Variants in WDR49 observed in about 807,000 individuals in gnomAD.
WDR49 encodes the protein cilia- and flagella-associated protein 337.
Under a neutral mutation model 119.5 loss-of-function variants are expected in WDR49, and 107 were observed. The observed-to-expected ratio is 0.90, with a 90% confidence interval of 0.77 to 1.05. WDR49 has a LOEUF of 1.05. Among genes scored for constraint, WDR49 ranks in the 50% least tolerant of loss-of-function variants. The probability of loss-of-function intolerance (pLI) is 0.00; values close to 1 mark genes in which losing one functional copy is unlikely to be tolerated. For synonymous variants in WDR49, 425 were observed against 418.8 expected, an observed-to-expected ratio of 1.01 and a Z score of -0.18; for missense variants, 1,240 against 1,220.5, an observed-to-expected ratio of 1.02 and a Z score of -0.24.
At chr3:167,494,442 G>T (rs1188535480) in intron 18 of WDR49, among the ~76,000 whole-genome samples, 2 of 151,896 alleles carry the variant, frequency 1.3e-5, no homozygotes, top group Non-Finnish European at 2.9e-5. Context: ...ATAGGTAGTT[G>T]CAGGTTATCA....
intron 17 of WDR49, among the ~76,000 whole-genome samples, chr3:167,502,314 C>T (rs2108210922): frequency 1.3e-5 from 2 of 152,256 alleles, no homozygotes; most frequent in Middle Eastern, 3.4e-3. Context: ...TATAAATTAC[C>T]CAATATCAGA....
chr3:167,536,686 C>CATATATATAT (rs368084455), intron 11 of WDR49, among the ~76,000 whole-genome samples, 184 bp downstream of exon 11: 1 of 132,588 alleles, frequency 7.5e-6, no homozygotes, highest in African/African-American at 2.9e-5. Context: ...TCTCAAAATA[C>CATATATATAT]ATATATATAT....
intron 6 of WDR49, among the ~76,000 whole-genome samples, chr3:167,603,153 T>C (rs1229600054): frequency 6.6e-6 from 1 of 152,172 alleles, no homozygotes; most frequent in Non-Finnish European, 1.5e-5. Context: ...CAGTTATATT[T>C]AGGGAGCTCT....
intron 9 of WDR49, among the ~76,000 whole-genome samples, chr3:167,557,763 A>AAAAAAG (rs1163107920): frequency 6.6e-6 from 1 of 152,100 alleles, no homozygotes; most frequent in Non-Finnish European, 1.5e-5. Flanking sequence ...AAAAAAAAAA[A>AAAAAAG]AAAAATCAGG....
chr3:167,481,150 T>C (rs560947932), intron 18 of WDR49, among the ~76,000 whole-genome samples: 8 of 151,340 alleles, frequency 5.3e-5, no homozygotes, highest in East Asian at 3.9e-4. Context: ...CACAAACTTA[T>C]ATAAGCAAAA....
intron 18 of WDR49, among the ~76,000 whole-genome samples, chr3:167,490,648 T>A (rs1002291546): frequency 2.6e-5 from 4 of 152,156 alleles, no homozygotes; most frequent in African/African-American, 9.7e-5. Flanking sequence ...GACCTGTAGC[T>A]TAAGGGCTAA....
At chr3:167,655,521 C>T (rs377432620), upstream of WDR49, among the ~76,000 whole-genome samples, 101 of 152,194 alleles carry the variant, frequency 6.6e-4, 1 homozygote, top group African/African-American at 2.2e-3. Flanking sequence ...AGTTCCTGTA[C>T]CCATTATAGA....
At chr3:167,639,651 G>A (rs1178017355) in intron 2 of WDR49, among the ~76,000 whole-genome samples, 2 of 151,676 alleles carry the variant, frequency 1.3e-5, no homozygotes, top group African/African-American at 2.4e-5. Context: ...ACTTTGAATC[G>A]ATAAGATAAA....
intron 9 of WDR49, among the ~76,000 whole-genome samples, chr3:167,558,866 C>T (rs914629631): frequency 9.9e-5 from 15 of 152,098 alleles, no homozygotes; most frequent in African/African-American, 2.9e-4. Context: ...GACTGGTAAG[C>T]GAGATACTGG....
At chr3:167,622,538 A>G (rs1415504379) in intron 3 of WDR49, among the ~76,000 whole-genome samples, 1 of 152,140 alleles carries the variant, frequency 6.6e-6, no homozygotes, top group East Asian at 1.9e-4. Flanking sequence ...TACATCTGCC[A>G]TTTTTCTAAC....
At chr3:167,551,042 T>C (rs1420199694) in intron 10 of WDR49, among the ~76,000 whole-genome samples, 1 of 152,008 alleles carries the variant, frequency 6.6e-6, no homozygotes, top group Non-Finnish European at 1.5e-5. Flanking sequence ...CTTAAAATAA[T>C]GAGAAACACA....
Position 167,620,696 on chromosome 3 carries a change from T to C in WDR49, c.784-93A>G, listed in dbSNP as rs977629629. Reference sequence around the variant, plus strand: ...TTTTAGTTTAATAAGGAATAGCTATTAACTTAATAAGAATTTCTTCAATAT... The same window carrying C: ...TTTTAGTTTAATAAGGAATAGCTATCAACTTAATAAGAATTTCTTCAATAT... On this transcript the variant is annotated intron_variant, in intron 4 of 18. Transcript: ENST00000682715. 2.5e-6 allele frequency: 3 copies of C among 1,187,582 alleles called. No homozygotes were observed. The Admixed American group carries it at 9.4e-5, about 37-fold the overall frequency. 73.6% of individuals were successfully genotyped at this position (1,187,582 alleles called of 1,614,324 possible). A position where few individuals can be genotyped will look rare whatever the true frequency, so the allele number is the denominator to read the frequency against.
At chr3:167,595,158 C>T (rs2108299295) in intron 7 of WDR49, among the ~76,000 whole-genome samples, 1 of 152,240 alleles carries the variant, frequency 6.6e-6, no homozygotes, top group Non-Finnish European at 1.5e-5. Flanking sequence ...ATCTAACTTA[C>T]AAGGGATGTG....
intron 5 of WDR49, among the ~76,000 whole-genome samples, chr3:167,607,090 C>T (rs762879372): frequency 2.0e-4 from 30 of 152,308 alleles, no homozygotes; most frequent in South Asian, 2.1e-4. Flanking sequence ...CTTCTCTATA[C>T]GGCATTCCTT....
intron 2 of WDR49, among the ~76,000 whole-genome samples, chr3:167,644,660 T>C (rs971089289): frequency 6.6e-6 from 1 of 152,176 alleles, no homozygotes; most frequent in Non-Finnish European, 1.5e-5. Context: ...TTTTCTGTAC[T>C]TCAGAATGTA....
At chr3:167,606,376 C>T (rs1577272204) in intron 5 of WDR49, among the ~76,000 whole-genome samples, 1 of 152,122 alleles carries the variant, frequency 6.6e-6, no homozygotes, top group Non-Finnish European at 1.5e-5. Context: ...AAGTGATAAA[C>T]CTCCAGCCAC....
chr3:167,556,891 G>T (rs1712960579), intron 9 of WDR49, among the ~76,000 whole-genome samples: 1 of 152,150 alleles, frequency 6.6e-6, no homozygotes, highest in African/African-American at 2.4e-5. Flanking sequence ...CAGGCATGGT[G>T]GCATGCACCT....
At chr3:167,492,782 G>T (rs1385483798) in intron 18 of WDR49, among the ~76,000 whole-genome samples, 1 of 151,898 alleles carries the variant, frequency 6.6e-6, no homozygotes, top group Non-Finnish European at 1.5e-5. Context: ...TACATTTATC[G>T]TTTCCATGGC....
chr3:167,496,917 G>A (rs1456320170), intron 18 of WDR49, among the ~76,000 whole-genome samples: 5 of 145,912 alleles, frequency 3.4e-5, no homozygotes, highest in South Asian at 2.1e-4. Flanking sequence ...CTCTACTAAC[G>A]AGAGGTAAAT....
Sources: allele counts gnomAD v4.1 joint callset (sites outside exome capture counted in the v4.1 genomes callset), GRCh38; gene constraint gnomAD v4.1.1; transcripts MANE v1.5; gene names NCBI Gene and HGNC (gene_info 2026-07-23, HGNC 2026-07-21).